The following ERI1 variants were observed in gnomAD, a reference collection of about 807,000 sequenced individuals.
The protein encoded by ERI1 is 3'-5' exoribonuclease 1.
ERI1 carries 39 observed loss-of-function variants against 39.7 expected under a neutral mutation model. That is an observed-to-expected ratio of 0.98 (90% CI 0.76 to 1.28). The LOEUF (loss-of-function observed/expected upper bound fraction) is 1.28. Ranked by LOEUF, ERI1 falls within the 50% of genes most tolerant of loss-of-function variation. ERI1 has a pLI of 0.00. For missense variants in ERI1, 581 were observed against 416.9 expected (o/e 1.39, Z -3.43); for synonymous variants, 204 against 149.6 (o/e 1.36, Z -2.65).
chr8:9,013,097 C>A (rs1805488465), intron 3 of ERI1, among the ~76,000 whole-genome samples: 1 of 152,032 alleles, frequency 6.6e-6, no homozygotes, highest in African/African-American at 2.4e-5. Context: ...TGACTGCAAC[C>A]TCCACCTCCT....
intron 3 of ERI1, among the ~76,000 whole-genome samples, chr8:9,090,684 C>A (rs561055774): frequency 6.6e-6 from 1 of 152,040 alleles, no homozygotes; most frequent in Non-Finnish European, 1.5e-5. Context: ...AAAACTATGT[C>A]CTCAGTTATA....
chr8:9,024,755 C>T (rs1818294740), intron 6 of ERI1, among the ~76,000 whole-genome samples: 1 of 152,094 alleles, frequency 6.6e-6, no homozygotes, highest in Non-Finnish European at 1.5e-5. Flanking sequence ...TATGTATATG[C>T]ATTACAATGC....
Position 9,032,376 on chromosome 8 carries a change from T to C in ERI1, c.*2342T>C, listed in dbSNP as rs917470650. 6.6e-6 allele frequency: 1 copy of C among 152,262 alleles called. No individual in the cohort carries two copies. Among genetic ancestry groups the C allele is most frequent in the Non-Finnish European group, 1.5e-5 (1 of 68,044 alleles). 9.4% of individuals were successfully genotyped at this position (152,262 alleles called of 1,614,324 possible). On this transcript the variant is annotated 3_prime_UTR_variant, in exon 7 of 7. Transcript: ENST00000250263. ...TGACATTGACATAGTGGATTTCTGC[T>C]GATTTTTTTCAAATCCGCAATCTTT...
intron 3 of ERI1, among the ~76,000 whole-genome samples, chr8:9,040,115 A>C (rs1426040528): frequency 6.6e-6 from 1 of 152,216 alleles, no homozygotes; most frequent in East Asian, 1.9e-4. Flanking sequence ...AGCTGTTTGT[A>C]GCAGTCAGTA....
intron 3 of ERI1, among the ~76,000 whole-genome samples, chr8:9,053,529 C>A (rs1468938492): frequency 6.6e-6 from 1 of 152,156 alleles, no homozygotes; most frequent in East Asian, 1.9e-4. Context: ...GAGTCGTATC[C>A]TTTATGGGAA....
intron 3 of ERI1, among the ~76,000 whole-genome samples, chr8:9,082,486 T>C (rs762375870): frequency 6.6e-6 from 1 of 152,208 alleles, no homozygotes; most frequent in Non-Finnish European, 1.5e-5. Flanking sequence ...TCTCCTGCTT[T>C]CTGGCATGAA....
chr8:9,025,158 C>T (rs62495541), intron 6 of ERI1, among the ~76,000 whole-genome samples: 23,894 of 152,138 alleles, frequency 0.16, 2,585 homozygotes, highest in Non-Finnish European at 0.24. Flanking sequence ...GATCCCTTAC[C>T]TAATCATATG....
intron 3 of ERI1, among the ~76,000 whole-genome samples, chr8:9,049,336 C>CAAAAAAAA (rs3989371): frequency 9.0e-5 from 3 of 33,230 alleles, no homozygotes; most frequent in Non-Finnish European, 5.3e-5. Context: ...ACTCCGTCTC[C>CAAAAAAAA]AAAAAAAAAA....
chr8:9,068,036 A>T, intron 3 of ERI1, among the ~76,000 whole-genome samples: 1 of 152,162 alleles, frequency 6.6e-6, no homozygotes. Context: ...ACCTTGAACA[A>T]TTTTGCTCAA....
At chr8:9,051,476 G>A (rs1015234704) in intron 3 of ERI1, among the ~76,000 whole-genome samples, 5 of 152,094 alleles carry the variant, frequency 3.3e-5, no homozygotes, top group Admixed American at 2.0e-4. Flanking sequence ...GGCCAACATG[G>A]TGAAAGCACA....
intron 3 of ERI1, among the ~76,000 whole-genome samples, chr8:9,092,456 C>G (rs1220523083): frequency 6.6e-6 from 1 of 152,202 alleles, no homozygotes; most frequent in East Asian, 1.9e-4. Context: ...TTTATAGCCA[C>G]AAACTGGTTC....
rs951535328 is a variant in ERI1 at position 9,011,699 on chromosome 8, C to G, written c.445C>G (p.His149Asp). 1.2e-6 allele frequency: 2 copies of G among 1,612,316 alleles called. No homozygotes were observed. Among genetic ancestry groups the G allele is most frequent in the Non-Finnish European group, 1.7e-6 (2 of 1,178,924 alleles). The change falls in exon 3 of 7, where the codon CAT becomes GAT. Residue 149 changes from histidine (H) to aspartate (D), a missense_variant. Coordinates refer to ENST00000250263, the MANE Select transcript of ERI1 (RefSeq NM_153332.4). ...AGAAGGAAACCCACCTGAGTTTGTA[C>G]ATGAAATAATTGAATTTCCGGTTGT... ...CEEGNPPEFV[H>D]EIIEFPVVLL... is the part of the protein sequence containing the mutation.
At chr8:9,073,494 A>G (rs1799119409) in intron 3 of ERI1, among the ~76,000 whole-genome samples, 1 of 152,220 alleles carries the variant, frequency 6.6e-6, no homozygotes. Flanking sequence ...TAAGATTTTC[A>G]TAAAATAACA....
intron 3 of ERI1, among the ~76,000 whole-genome samples, chr8:9,089,671 C>G (rs10081465): frequency 6.6e-6 from 1 of 152,088 alleles, no homozygotes; most frequent in African/African-American, 2.4e-5. Flanking sequence ...AGATTCCAAT[C>G]CTATGCTGTT....
intron 3 of ERI1, among the ~76,000 whole-genome samples, chr8:9,015,594 C>T (rs771294879): frequency 6.6e-6 from 1 of 151,732 alleles, no homozygotes; most frequent in Admixed American, 6.6e-5. Flanking sequence ...TGGTGGCAGG[C>T]GTCTGTAGTC....
chr8:9,023,553 C>A (rs1818146521), intron 6 of ERI1, among the ~76,000 whole-genome samples: 1 of 151,868 alleles, frequency 6.6e-6, no homozygotes, highest in Admixed American at 6.6e-5. Context: ...TCTTTGTGCA[C>A]CTGTTTATTT....
At chr8:9,084,098 T>C (rs1159090937) in intron 3 of ERI1, among the ~76,000 whole-genome samples, 2 of 149,170 alleles carry the variant, frequency 1.3e-5, no homozygotes, top group Non-Finnish European at 3.0e-5. Context: ...CAGCCTAAAA[T>C]TTTTTTTTTT....
At chr8:9,095,646 G>T (rs777860313) in intron 3 of ERI1, among the ~76,000 whole-genome samples, 1 of 151,926 alleles carries the variant, frequency 6.6e-6, no homozygotes, top group Non-Finnish European at 1.5e-5. Flanking sequence ...TTAGACTCCT[G>T]AGTAGCTGGG....
At chr8:9,059,771 T>G (rs1490771090) in intron 3 of ERI1, among the ~76,000 whole-genome samples, 1 of 152,138 alleles carries the variant, frequency 6.6e-6, no homozygotes, top group East Asian at 1.9e-4. Flanking sequence ...TCAGCTGCGA[T>G]GGCTTGGAGA....
Sources: gnomAD v4.1 joint callset for allele counts (sites outside exome capture counted in the v4.1 genomes callset) on GRCh38, gnomAD v4.1.1 for gene constraint, MANE v1.5 for transcripts, NCBI Gene and HGNC (gene_info 2026-07-23, HGNC 2026-07-21) for gene names.